Variants in PPP2R5C observed in about 807,000 individuals in gnomAD.
PPP2R5C encodes the protein serine/threonine-protein phosphatase 2A 56 kDa regulatory subunit gamma isoform.
PPP2R5C carries 7 observed loss-of-function variants against 68.9 expected under a neutral mutation model. The ratio of observed to expected loss-of-function variants is 0.10; its 90% CI spans 0.06 to 0.19. The LOEUF is 0.19. PPP2R5C is among the 10% of genes least tolerant of loss of function. The probability of loss-of-function intolerance (pLI) is 1.00; values close to 1 mark genes in which losing one functional copy is unlikely to be tolerated. For missense variants in PPP2R5C, 348 were observed against 641.3 expected, an observed-to-expected ratio of 0.54 and a Z score of 4.94; for synonymous variants, 210 against 222.2, an observed-to-expected ratio of 0.95 and a Z score of 0.49.
At chr14:101,895,452 T>A (rs924581694) in intron 8 of PPP2R5C, among the ~76,000 whole-genome samples, 1 of 152,182 alleles carries the variant, frequency 6.6e-6, no homozygotes, top group Non-Finnish European at 1.5e-5. Flanking sequence ...ACAGAAATTC[T>A]ACCCATTAAA....
chr14:101,923,411 A>T (rs2047118843), intron 13 of PPP2R5C, among the ~76,000 whole-genome samples: 1 of 152,152 alleles, frequency 6.6e-6, no homozygotes, highest in African/African-American at 2.4e-5. Flanking sequence ...AGTATATAAA[A>T]ATCTTGGTTT....
rs1270265969 is a variant in PPP2R5C, at chr14:101,786,234, G to A, written c.259+51G>A. 4.2e-6 allele frequency: 6 copies of A among 1,436,050 alleles called. No individual in the cohort carries two copies. In the African/African-American group the frequency reaches 8.7e-5, roughly 21 times the overall value. 89.0% of individuals were successfully genotyped at this position (1,436,050 alleles called of 1,614,324 possible). On this transcript the variant is annotated intron_variant, in intron 3 of 14. Coordinates refer to the PPP2R5C transcript ENST00000328724. Reference sequence around the variant, plus strand: ...TTAAATTGTGGCTGTTGGAGTGAAGGAGCAATGTTTTGATAGTGTGCTAAT... The same window carrying A: ...TTAAATTGTGGCTGTTGGAGTGAAGAAGCAATGTTTTGATAGTGTGCTAAT...
At chr14:101,886,951 TCTCAAACTCCTGGC>T (rs1432784847) in intron 5 of PPP2R5C, among the ~76,000 whole-genome samples, 3 of 152,098 alleles carry the variant, frequency 2.0e-5, no homozygotes, top group Non-Finnish European at 4.4e-5. Context: ...CCCAGGCTGG[TCTCAAACTCCTGGC>T]CTCAAGTGAT....
intron 5 of PPP2R5C, 65 bp downstream of exon 7, chr14:101,883,627 C>G (rs2044297000): frequency 1.3e-6 from 2 of 1,566,430 alleles, no homozygotes; most frequent in Non-Finnish European, 1.7e-6. Context: ...CTCGATGCTC[C>G]CCTACCCCAT....
At chr14:101,865,819 G>C (rs971154019) in intron 2 of PPP2R5C, among the ~76,000 whole-genome samples, 3 of 152,150 alleles carry the variant, frequency 2.0e-5, no homozygotes, top group African/African-American at 7.2e-5. Flanking sequence ...TGCTTACCAG[G>C]GGGACGCCTC....
chr14:101,804,472 G>C (rs1049808081), intron 3 of PPP2R5C, among the ~76,000 whole-genome samples: 3 of 152,012 alleles, frequency 2.0e-5, no homozygotes, highest in Non-Finnish European at 4.4e-5. Flanking sequence ...AGCAACCTAA[G>C]TGTCCATCAA....
chr14:101,773,239 C>T (rs138502780), intron 2 of PPP2R5C, among the ~76,000 whole-genome samples: 2 of 152,176 alleles, frequency 1.3e-5, no homozygotes, highest in African/African-American at 4.8e-5. Context: ...TGACATTGGG[C>T]GTGAGAGCGT....
At chr14:101,843,840 TGAC>T (rs967795547) in intron 1 of PPP2R5C, 8 of 199,942 alleles carry the variant, frequency 4.0e-5, no homozygotes, top group African/African-American at 1.9e-4. Flanking sequence ...CTCCTGTCTC[TGAC>T]TCTGCATCTT....
chr14:101,777,413 C>T (rs1281155858), intron 2 of PPP2R5C, among the ~76,000 whole-genome samples: 1 of 151,584 alleles, frequency 6.6e-6, no homozygotes, highest in Non-Finnish European at 1.5e-5. Flanking sequence ...ATAGTGGCGC[C>T]ATCTCAGCTC....
At chr14:101,761,620 C>T (rs866607289), upstream of PPP2R5C, among the ~76,000 whole-genome samples, 2,320 of 37,896 alleles carry the variant, frequency 0.061, 50 homozygotes, top group Admixed American at 0.18. Flanking sequence ...GCGGGGCGGC[C>T]GGCCGGGGGG....
intron 2 of PPP2R5C, among the ~76,000 whole-genome samples, chr14:101,866,376 A>G (rs2043066694): frequency 6.6e-6 from 1 of 152,252 alleles, no homozygotes; most frequent in Admixed American, 6.5e-5. Context: ...AACTTGTGAA[A>G]TACTCTACAG....
intron 9 of PPP2R5C, 117 bp downstream of exon 11, chr14:101,902,006 G>A: frequency 8.7e-7 from 1 of 1,144,856 alleles, no homozygotes; most frequent in South Asian, 1.5e-5. Flanking sequence ...TAAAATCCAA[G>A]TTTTTACTTG....
Position 101,882,068 on chromosome 14 carries a change from C to T in PPP2R5C, c.295-93C>T, listed in dbSNP as rs1595459750. 2.9e-6 allele frequency: 3 copies of T among 1,019,860 alleles called. No individual in the cohort carries two copies. The highest frequency in any genetic ancestry group is 3.1e-5 in the Admixed American group (1 of 32,546). 63.2% of individuals were successfully genotyped at this position (1,019,860 alleles called of 1,614,324 possible). A position where few individuals can be genotyped will look rare whatever the true frequency, so the allele number is the denominator to read the frequency against. On this transcript the variant is annotated intron_variant, in intron 2 of 13. Transcript: ENST00000334743. This position sits in a 1 kb window ranked among gnomAD's most constrained non-coding sequence, Gnocchi z 4.9. Reference sequence around the variant, plus strand: ...GGAGGAGCTAAGTTACCATGGGAAGCGGCTACTGTTAGAATTACCTAAGAC... The same window carrying T: ...GGAGGAGCTAAGTTACCATGGGAAGTGGCTACTGTTAGAATTACCTAAGAC...
chr14:101,803,521 G>A (rs1242941811), intron 3 of PPP2R5C, among the ~76,000 whole-genome samples: 1 of 152,036 alleles, frequency 6.6e-6, no homozygotes, highest in Non-Finnish European at 1.5e-5. Flanking sequence ...TCAGGCGATT[G>A]AGACCATCCT....
intron 2 of PPP2R5C, among the ~76,000 whole-genome samples, chr14:101,785,128 A>G (rs1022577382): frequency 3.3e-5 from 5 of 152,154 alleles, no homozygotes; most frequent in Non-Finnish European, 7.4e-5. Flanking sequence ...GCCTAGGACA[A>G]TGGCAGCAGA....
At chr14:101,861,737 G>T (rs12896683) in intron 2 of PPP2R5C, among the ~76,000 whole-genome samples, 4 of 152,114 alleles carry the variant, frequency 2.6e-5, no homozygotes, top group Non-Finnish European at 5.9e-5. Flanking sequence ...CAAACATGCC[G>T]CTGTTTTCAT....
At chr14:101,793,580 C>T (rs1353276593) in intron 3 of PPP2R5C, among the ~76,000 whole-genome samples, 1 of 152,220 alleles carries the variant, frequency 6.6e-6, no homozygotes, top group African/African-American at 2.4e-5. Flanking sequence ...AGCCCCATGG[C>T]AGCGTCTTCA....
At chr14:101,914,252 G>C in intron 12 of PPP2R5C, 1 of 452,650 alleles carries the variant, frequency 2.2e-6, no homozygotes, top group Admixed American at 2.4e-5. Context: ...TCATGTCTGT[G>C]TTGACGCCAT....
intron 1 of PPP2R5C, among the ~76,000 whole-genome samples, chr14:101,854,681 G>C (rs933042308): frequency 6.6e-6 from 1 of 152,166 alleles, no homozygotes; most frequent in Non-Finnish European, 1.5e-5. Flanking sequence ...GGCTGGCATG[G>C]GGCAGTGGGT....
Sources: gnomAD v4.1 joint callset for allele counts (sites outside exome capture counted in the v4.1 genomes callset) on GRCh38, gnomAD v4.1.1 for gene constraint, Gnocchi (gnomAD v3.1) non-coding constraint, MANE v1.5 for transcripts, NCBI Gene and HGNC (gene_info 2026-07-23, HGNC 2026-07-21) for gene names.